Variants in HECW1 observed in about 807,000 individuals in gnomAD.
HECW1 encodes the protein E3 ubiquitin-protein ligase HECW1.
A neutral mutation model predicts 182.3 loss-of-function variants in HECW1; 61 were observed. The observed-to-expected ratio is 0.33, with a 90% CI of 0.27 to 0.41. The LOEUF (loss-of-function observed/expected upper bound fraction) is 0.41, where lower values mean the gene tolerates loss of function less well. Among genes scored for constraint, HECW1 ranks in the 10% least tolerant of loss-of-function variants. The pLI is 1.00. For missense variants in HECW1, 1,739 were observed against 2,108.9 expected (o/e 0.82, Z 3.44); for synonymous variants, 859 against 832.6 (o/e 1.03, Z -0.55).
chr7:43,442,512 T>C lies in HECW1; in HGVS notation c.945-17T>C. ...GAGGTATTGACCAGAACTGTGATGG[T>C]GCTTATTTCCTTCTAGGGATAGGGT... is the stretch of plus-strand genomic sequence containing the variant. On this transcript the variant is annotated splice_polypyrimidine_tract_variant and intron_variant, in intron 9 of 29. Transcript: ENST00000395891. 1 of 1,572,358 alleles carries C rather than the reference T, an allele frequency of 6.4e-7. No homozygotes were observed. Among genetic ancestry groups the C allele is most frequent in the Non-Finnish European group, 8.7e-7 (1 of 1,143,034 alleles).
At chr7:43,423,944 T>C (rs2076275274) in intron 8 of HECW1, among the ~76,000 whole-genome samples, 1 of 152,086 alleles carries the variant, frequency 6.6e-6, no homozygotes, top group Non-Finnish European at 1.5e-5. Context: ...GCACGAAGGC[T>C]TCAGAAAAAC....
chr7:43,478,938 A>G (rs1585032427), intron 16 of HECW1, among the ~76,000 whole-genome samples: 2 of 152,132 alleles, frequency 1.3e-5, no homozygotes, highest in Admixed American at 6.5e-5. Context: ...TGTTTTATCT[A>G]TGACTGATAC....
At position 43,445,342 on chromosome 7, in the gene HECW1, A is replaced by G. The variant is rs1241556509; in HGVS notation, c.2170A>G (p.Ser724Gly). The G allele has an allele frequency of 6.2e-7, 1 of 1,613,696 alleles. No homozygotes were observed. The highest frequency in any genetic ancestry group is 1.7e-5 in the Admixed American group (1 of 60,008). The change falls in exon 11 of 30, where the codon AGC (serine) becomes GGC (glycine). Residue 724 changes from serine (S) to glycine (G), a missense_variant. This residue lies in a region of HECW1 where 971 missense variants were observed against 1,029.1 expected (regional missense o/e 0.94). Coordinates refer to ENST00000395891, the MANE Select transcript of HECW1 (RefSeq NM_015052.5). ...CCACACGCGCTTCTCCTCCGTGGACAGCGCCAAGATCTCCGAGAGCACGGT... is the reference window on the plus strand; with the variant it reads ...CCACACGCGCTTCTCCTCCGTGGACGGCGCCAAGATCTCCGAGAGCACGGT... ...ASHTRFSSVD[S>G]AKISESTVFS...
intron 21 of HECW1, among the ~76,000 whole-genome samples, chr7:43,503,704 T>C (rs752307083): frequency 6.6e-6 from 1 of 152,064 alleles, no homozygotes; most frequent in Non-Finnish European, 1.5e-5. Context: ...TAGACTGGTA[T>C]GAAATCTACC....
intron 3 of HECW1, among the ~76,000 whole-genome samples, chr7:43,305,773 T>G (rs533505037): frequency 6.6e-6 from 1 of 152,040 alleles, no homozygotes; most frequent in African/African-American, 2.4e-5. Flanking sequence ...TAATTTTTTT[T>G]TTTTGAGACG....
At chr7:43,226,797 C>A (rs554123524) in intron 2 of HECW1, among the ~76,000 whole-genome samples, 1 of 152,292 alleles carries the variant, frequency 6.6e-6, no homozygotes, top group African/African-American at 2.4e-5. Context: ...AAGAGCCTGG[C>A]GTCTCCCGCA....
chr7:43,193,085 C>G (rs1342838074), intron 2 of HECW1, among the ~76,000 whole-genome samples: 1 of 152,164 alleles, frequency 6.6e-6, no homozygotes, highest in Admixed American at 6.5e-5. Context: ...CCTTTCACAC[C>G]ATATAAGGTA....
chr7:43,370,689 A>G (rs1817224410), intron 6 of HECW1, among the ~76,000 whole-genome samples: 1 of 152,184 alleles, frequency 6.6e-6, no homozygotes, highest in Non-Finnish European at 1.5e-5. Context: ...ATGAGCTGCC[A>G]AGCTATAAAA....
chr7:43,427,716 G>A (rs2076406069), intron 8 of HECW1, among the ~76,000 whole-genome samples: 2 of 152,094 alleles, frequency 1.3e-5, no homozygotes, highest in Admixed American at 6.5e-5. Flanking sequence ...CTCATCTAGG[G>A]CCTTGTCTGG....
intron 5 of HECW1, among the ~76,000 whole-genome samples, chr7:43,355,625 A>T (rs982931951): frequency 3.9e-5 from 6 of 152,176 alleles, no homozygotes; most frequent in African/African-American, 1.4e-4. Flanking sequence ...AAGCAAAAAA[A>T]CATACTACCA....
chr7:43,278,922 C>T (rs146553057), intron 3 of HECW1, among the ~76,000 whole-genome samples: 28 of 152,284 alleles, frequency 1.8e-4, no homozygotes, highest in African/African-American at 6.3e-4. Context: ...GTCTCCTCCC[C>T]ATTAGGATTC....
intron 9 of HECW1, among the ~76,000 whole-genome samples, 198 bp from the exon 10 acceptor site, chr7:43,442,331 T>C (rs1039028104): frequency 2.0e-5 from 3 of 152,222 alleles, no homozygotes; most frequent in African/African-American, 7.2e-5. Context: ...TTTTGATGAG[T>C]TTATTGGGTC....
At chr7:43,212,114 G>A (rs1179139411) in intron 2 of HECW1, among the ~76,000 whole-genome samples, 3 of 152,202 alleles carry the variant, frequency 2.0e-5, no homozygotes, top group Non-Finnish European at 2.9e-5. Context: ...TCAGCTAAGA[G>A]AGCAGTCTCT....
intron 6 of HECW1, among the ~76,000 whole-genome samples, chr7:43,375,352 T>C (rs556101252): frequency 8.5e-5 from 13 of 152,058 alleles, no homozygotes; most frequent in Admixed American, 2.0e-4. Flanking sequence ...CTATGCCAAA[T>C]ACAGACATTC....
chr7:43,243,866 T>C lies in HECW1; in HGVS notation c.-31-9T>C. ...CACGCTAAGTTAACCTCGTTGGACT[T>C]TTCCCCAGGAATTGATGCGCGTACA... is the stretch of plus-strand genomic sequence containing the variant. On this transcript the variant is annotated splice_polypyrimidine_tract_variant and intron_variant, in intron 2 of 29. Coordinates refer to ENST00000395891, the MANE Select transcript of HECW1 (RefSeq NM_015052.5). This position sits in a 1 kb window ranked among gnomAD's most constrained non-coding sequence, Gnocchi z 4.0. The C allele has an allele frequency of 6.2e-7, 1 of 1,611,050 alleles. No homozygotes were observed. Among genetic ancestry groups the C allele is most frequent in the Non-Finnish European group, 8.5e-7 (1 of 1,177,190 alleles).
At chr7:43,543,330 C>T (rs560857312) in intron 26 of HECW1, among the ~76,000 whole-genome samples, 26 of 152,198 alleles carry the variant, frequency 1.7e-4, no homozygotes, top group Non-Finnish European at 2.6e-4. Flanking sequence ...AGCACCGCAT[C>T]CCAGTCAAGA....
At position 43,507,223 on chromosome 7, in the gene HECW1, G is replaced by A; in HGVS notation, c.3718G>A (p.Ala1240Thr). The change falls in exon 22 of 30, where the codon GCC (alanine) becomes ACC (threonine). Residue 1240 changes from alanine to threonine, a missense_variant. Physicochemically the swap from Ala to Thr is moderately conservative, Grantham distance 58 (BLOSUM62 0). Coordinates refer to ENST00000395891, the MANE Select transcript of HECW1 (RefSeq NM_015052.5). ...CCGCAATTTCTACAGAAAACTGGAA[G>A]CCAAAGGATTTGGTCAGGGTCCGGG... Reference protein sequence around the residue: ...KLRNFYRKLEAKGFGQGPGKI... With the variant: ...KLRNFYRKLETKGFGQGPGKI... 1.2e-6 allele frequency: 2 copies of A among 1,613,922 alleles called. No homozygotes were observed. The highest frequency in any genetic ancestry group is 1.7e-6 in the Non-Finnish European group (2 of 1,179,834).
intron 5 of HECW1, among the ~76,000 whole-genome samples, chr7:43,354,163 T>A: frequency 7.0e-6 from 1 of 142,656 alleles, no homozygotes. Flanking sequence ...TTACAAAGAA[T>A]CTCTACACAA....
At chr7:43,275,858 T>A (rs1008610497) in intron 3 of HECW1, among the ~76,000 whole-genome samples, 3 of 152,110 alleles carry the variant, frequency 2.0e-5, no homozygotes, top group Non-Finnish European at 4.4e-5. Context: ...TGCTAATTGA[T>A]CCACAGGCCA....
Sources: allele counts gnomAD v4.1 joint callset (sites outside exome capture counted in the v4.1 genomes callset), GRCh38; gene constraint gnomAD v4.1.1; regional missense constraint gnomAD v4.1.1; non-coding constraint Gnocchi (gnomAD v3.1); transcripts MANE v1.5; gene names NCBI Gene and HGNC (gene_info 2026-07-23, HGNC 2026-07-21).